Variants in SPG11 observed in about 807,000 individuals in gnomAD.
SPG11 encodes SPG11 vesicle trafficking associated, spatacsin.
Under a neutral mutation model 274.0 loss-of-function variants are expected in SPG11, and 222 were observed. That is an observed-to-expected ratio of 0.81 (90% CI 0.73 to 0.91). The LOEUF (loss-of-function observed/expected upper bound fraction) is 0.91. Ranked by LOEUF, SPG11 falls within the 40% of genes least tolerant of loss-of-function variation. The pLI, the probability that SPG11 is intolerant of heterozygous loss-of-function variation, is 0.00. For synonymous variants in SPG11, 1,144 were observed against 1,039.7 expected (o/e 1.10, Z -1.93); for missense variants, 3,114 against 2,872.7 (o/e 1.08, Z -1.92).
In SPG11 at chr15:44,596,818, A is replaced by T; in HGVS notation, c.4127T>A (p.Ile1376Asn). 6.2e-7 allele frequency: 1 copy of T among 1,614,138 alleles called. No homozygotes were observed. Among genetic ancestry groups the T allele is most frequent in the Non-Finnish European group, 8.5e-7 (1 of 1,180,024 alleles). The change falls in exon 24 of 40, where the codon ATT becomes AAT. Residue 1376 changes from isoleucine (I) to asparagine (N), a missense_variant. Ile to Asn is a moderately radical substitution (Grantham distance 149, BLOSUM62 -3). Transcript: ENST00000261866. ...AKANDWLQFI[I>N]HSQLHNYHPA... ...GTGGTAGTTGTGGAGTTGGCTGTGA[A>T]TAATGAACTGCAGCCAATCATTTGC...
chr15:44,565,464 C>A (rs2082288839), intron 38 of SPG11, among the ~76,000 whole-genome samples: 1 of 152,208 alleles, frequency 6.6e-6, no homozygotes, highest in South Asian at 2.1e-4. Context: ...AAAATATAGT[C>A]CTGTCACTGA....
At chr15:44,645,026 C>T (rs2084565562) in intron 7 of SPG11, among the ~76,000 whole-genome samples, 1 of 152,142 alleles carries the variant, frequency 6.6e-6, no homozygotes. Context: ...AATGCTATTC[C>T]TATCAAACTA....
At chr15:44,621,600 T>C (rs1270419425) in intron 14 of SPG11, 159 bp downstream of exon 14, 12 of 711,920 alleles carry the variant, frequency 1.7e-5, no homozygotes, top group Admixed American at 4.9e-5. Flanking sequence ...AACTCTGAGA[T>C]AAGAAAGAGA....
chr15:44,596,353 C>T lies in SPG11; in HGVS notation c.4164G>A (p.Val1388=). 1 of 1,614,114 alleles carries T rather than the reference C, an allele frequency of 6.2e-7. No individual in the cohort carries two copies. Among genetic ancestry groups the T allele is most frequent in the Non-Finnish European group, 8.5e-7 (1 of 1,180,018 alleles). The change falls in exon 25 of 40, where the codon GTG becomes GTA. Residue 1388 remains valine, a splice_region_variant and synonymous_variant. Coordinates refer to ENST00000261866, the MANE Select transcript of SPG11 (RefSeq NM_025137.4). The part of the protein sequence containing the change: ...SQLHNYHPAE[V]KSLIQYFSPV... Reference sequence around the variant, plus strand: ...GGCTGAAGTACTGGATAAGGGATTTCACCTAGAAGGCATATCAGATGATTA... The same window carrying T: ...GGCTGAAGTACTGGATAAGGGATTTTACCTAGAAGGCATATCAGATGATTA...
chr15:44,620,566 G>A, intron 14 of SPG11, 163 bp from the exon 15 acceptor site: 1 of 622,422 alleles, frequency 1.6e-6, no homozygotes, highest in Non-Finnish European at 2.7e-6. Context: ...TTTTGAGACA[G>A]GATCTCGCTG....
At chr15:44,588,713 G>T in intron 28 of SPG11, 1 of 403,478 alleles carries the variant, frequency 2.5e-6, no homozygotes, top group Non-Finnish European at 5.0e-6. Context: ...TTACTCATGT[G>T]GTCCTAAGAC....
Position 44,660,614 on chromosome 15 carries a change from A to G in SPG11, c.260T>C (p.Phe87Ser). The G allele has an allele frequency of 2.5e-6, 4 of 1,613,988 alleles. No homozygotes were observed. Among genetic ancestry groups the G allele is most frequent in the Non-Finnish European group, 3.4e-6 (4 of 1,179,972 alleles). Residue 87 changes from phenylalanine (F) to serine (S), a missense_variant and splice_region_variant, in exon 2 of 40, where the codon TTT (phenylalanine) becomes TCT (serine). Transcript: ENST00000261866. ...RCCLEGPFWH[F>S]LWEDSRNSST... ...GCTGTTACGAGAATCCTCCCATAGA[A>G]AGCTAAGAAAAAAAGTTTAGATTTA...
In SPG11 at chr15:44,622,116, T is replaced by C. The variant is rs1476229635; in HGVS notation, c.2444+104A>G. 2.2e-6 allele frequency: 3 copies of C among 1,344,532 alleles called. No homozygotes were observed. The African/African-American group carries it at 4.4e-5, about 20-fold the overall frequency. 83.3% of individuals were successfully genotyped at this position (1,344,532 alleles called of 1,614,324 possible). A position where few individuals can be genotyped will look rare whatever the true frequency, so the allele number is the denominator to read the frequency against. ...ATACAAGTTTTATCTCCAAGGAGAA[T>C]GCAGGCTCAGTTCCACATAAGAAAC... On this transcript the variant is annotated intron_variant, in intron 13 of 39. Coordinates refer to ENST00000261866, the MANE Select transcript of SPG11 (RefSeq NM_025137.4).
chr15:44,586,238 C>T (rs2082763164), intron 28 of SPG11, among the ~76,000 whole-genome samples: 1 of 151,956 alleles, frequency 6.6e-6, no homozygotes, highest in Admixed American at 6.6e-5. Context: ...TATTTTTCTA[C>T]TCTGGTTGAC....
chr15:44,604,199 T>TAAA (rs748979322), intron 20 of SPG11: 29 of 357,830 alleles, frequency 8.1e-5, no homozygotes, highest in Admixed American at 1.8e-4. Flanking sequence ...ACCTGATTCC[T>TAAA]AAAAAAAAAA....
intron 2 of SPG11, among the ~76,000 whole-genome samples, chr15:44,659,926 C>T (rs1465590896): frequency 4.6e-5 from 7 of 152,182 alleles, no homozygotes; most frequent in East Asian, 1.9e-4. Flanking sequence ...CTGGGCGTGG[C>T]GGCGGGCGCC....
chr15:44,659,009 T>TCCC (rs2085022415), intron 3 of SPG11, 70 bp downstream of exon 3: 2 of 1,488,784 alleles, frequency 1.3e-6, no homozygotes, highest in South Asian at 2.3e-5. Flanking sequence ...AACTAAAGCC[T>TCCC]AAAAAGGCTC....
chr15:44,652,650 CT>C (rs953635040), intron 4 of SPG11, among the ~76,000 whole-genome samples: 6 of 148,380 alleles, frequency 4.0e-5, no homozygotes, highest in South Asian at 4.2e-4. Flanking sequence ...TCAAGTCTAG[CT>C]TTTTTTCTTT....
intron 7 of SPG11, among the ~76,000 whole-genome samples, chr15:44,645,953 T>C (rs2084596014): frequency 6.6e-6 from 1 of 152,190 alleles, no homozygotes; most frequent in South Asian, 2.1e-4. Flanking sequence ...CCAGTCAGAA[T>C]GGCTATTATG....
rs1252265800 is a variant in SPG11 at position 44,621,795 on chromosome 15, G to T, written c.2584C>A (p.Gln862Lys). ...ATCCTGGGGAGAAGGATGGATTCTTGTGTTAGTTGATCCCACCACAGAGCC... is the reference window on the plus strand; with the variant it reads ...ATCCTGGGGAGAAGGATGGATTCTTTTGTTAGTTGATCCCACCACAGAGCC... ...NWALWWDQLT[Q>K]ESILLPRISP... is the part of the protein sequence containing the mutation. Residue 862 changes from glutamine (Q) to lysine (K), a missense_variant, in exon 14 of 40, where the codon CAA becomes AAA. Coordinates refer to ENST00000261866, the MANE Select transcript of SPG11 (RefSeq NM_025137.4). 1.2e-6 allele frequency: 2 copies of T among 1,613,766 alleles called. No individual in the cohort carries two copies. The highest frequency in any genetic ancestry group is 2.7e-5 in the African/African-American group (2 of 74,874).
At position 44,629,395 on chromosome 15, in the gene SPG11, A is replaced by C; in HGVS notation, c.1736-7T>G. The C allele has an allele frequency of 1.9e-6, 3 of 1,613,900 alleles. No homozygotes were observed. Among genetic ancestry groups the C allele is most frequent in the Middle Eastern group, 1.7e-4 (1 of 6,032 alleles). On this transcript the variant is annotated splice_region_variant and splice_polypyrimidine_tract_variant and intron_variant, in intron 8 of 39. Transcript: ENST00000261866. ...GGTATCAGCTCTTCCACATCTGAGAAAGAACCAAAGAAATTAACATAAAGA... is the reference window on the plus strand; with the variant it reads ...GGTATCAGCTCTTCCACATCTGAGACAGAACCAAAGAAATTAACATAAAGA...
chr15:44,575,831 A>G (rs1243268316), intron 30 of SPG11, among the ~76,000 whole-genome samples: 1 of 152,128 alleles, frequency 6.6e-6, no homozygotes, highest in Non-Finnish European at 1.5e-5. Context: ...ATTAAAATCT[A>G]TTCCTGATTT....
chr15:44,646,361 G>A (rs1406404991), intron 7 of SPG11, among the ~76,000 whole-genome samples: 1 of 152,152 alleles, frequency 6.6e-6, no homozygotes, highest in Non-Finnish European at 1.5e-5. Context: ...GAGGCCTCAG[G>A]AAACTTACAA....
Position 44,587,159 on chromosome 15 carries a change from CCTTT to C in SPG11, c.4907-1313_4907-1310del, listed in dbSNP as rs571653089. Among the ~76,000 whole-genome samples the C allele has an allele frequency of 2.1e-3, 323 of 152,334 alleles. 1 individual carries two copies. The highest frequency in any genetic ancestry group is 7.5e-3 in the African/African-American group (312 of 41,572). Reference sequence around the variant, plus strand: ...GACCAGCCTGTGCAACATGGCAAGACCTTTCTCTCTATTAAACAAAAACAAAGAA... The same window carrying C: ...GACCAGCCTGTGCAACATGGCAAGACCTCTCTATTAAACAAAAACAAAGAA... On this transcript the variant is annotated intron_variant, in intron 28 of 39. Transcript: ENST00000261866.
Sources: allele counts gnomAD v4.1 joint callset (sites outside exome capture counted in the v4.1 genomes callset), GRCh38; gene constraint gnomAD v4.1.1; transcripts MANE v1.5; gene names NCBI Gene and HGNC (gene_info 2026-07-23, HGNC 2026-07-21).